Variants in COL19A1 observed in about 807,000 individuals in gnomAD.
COL19A1 encodes collagen type XIX alpha 1 chain, also known as collagen alpha-1(XIX) chain.
Under a neutral mutation model 190.2 loss-of-function variants are expected in COL19A1, and 159 were observed. That is an observed-to-expected ratio of 0.84 (90% CI 0.73 to 0.95). The LOEUF (loss-of-function observed/expected upper bound fraction) is 0.95. Among genes scored for constraint, COL19A1 ranks in the 40% least tolerant of loss-of-function variants. The probability of loss-of-function intolerance (pLI) is 0.00; values close to 1 mark genes in which losing one functional copy is unlikely to be tolerated. For missense variants in COL19A1, 1,418 were observed against 1,431.9 expected (o/e 0.99, Z 0.16); for synonymous variants, 509 against 458.9 (o/e 1.11, Z -1.39).
chr6:69,930,808 A>C (rs1562009278), intron 6 of COL19A1, among the ~76,000 whole-genome samples: 1 of 152,188 alleles, frequency 6.6e-6, no homozygotes, highest in African/African-American at 2.4e-5. Context: ...CAAAAAACAA[A>C]AAACAAACAA....
At chr6:69,891,808 G>A (rs985247284) in intron 2 of COL19A1, among the ~76,000 whole-genome samples, 1 of 152,200 alleles carries the variant, frequency 6.6e-6, no homozygotes, top group Non-Finnish European at 1.5e-5. Context: ...GAAGCTAGGG[G>A]TTGGCTTAAT....
rs1240182869 is a variant in COL19A1 at position 70,210,897 on chromosome 6, A to T, written c.*3623A>T. 1.3e-5 allele frequency among the ~76,000 whole-genome samples: 2 copies of T among 151,918 alleles called. No individual in the cohort carries two copies. The highest frequency in any genetic ancestry group is 2.4e-5 in the African/African-American group (1 of 41,352). On this transcript the variant is annotated 3_prime_UTR_variant, in exon 51 of 51. Transcript: ENST00000620364. ...ACCCTTTGGTTTGTTGACTGTTTTG[A>T]TTTTATTTCTTTGGTGGATATATAT...
In COL19A1 at chr6:70,168,086, T is replaced by G. The variant is rs1340701557; in HGVS notation, c.2496+11T>G. 6.3e-7 allele frequency: 1 copy of G among 1,583,528 alleles called. No individual in the cohort carries two copies. The highest frequency in any genetic ancestry group is 8.6e-7 in the Non-Finnish European group (1 of 1,159,250). The stretch of plus-strand genomic sequence containing the variant: ...TTATATAAAATTAAGGTATTTATAT[T>G]TGTAATTATTTAAAATCCAGTTATA... On this transcript the variant is annotated intron_variant, in intron 38 of 50. Transcript: ENST00000620364.
chr6:70,065,139 A>T (rs574995639), intron 14 of COL19A1, among the ~76,000 whole-genome samples: 5 of 152,062 alleles, frequency 3.3e-5, no homozygotes, highest in African/African-American at 9.7e-5. Flanking sequence ...AAAAAGAGCC[A>T]GCATTGCCAA....
chr6:70,158,323 C>A (rs1787567820), intron 34 of COL19A1, among the ~76,000 whole-genome samples: 1 of 151,978 alleles, frequency 6.6e-6, no homozygotes, highest in South Asian at 2.1e-4. Flanking sequence ...AAGTGCATTT[C>A]CAACTGGCCA....
At chr6:69,880,626 T>A (rs928042287) in intron 2 of COL19A1, among the ~76,000 whole-genome samples, 1 of 152,236 alleles carries the variant, frequency 6.6e-6, no homozygotes, top group Non-Finnish European at 1.5e-5. Context: ...CAGAGTGTTA[T>A]GTAAGTCTTT....
chr6:69,896,308 C>T (rs1402948700), intron 2 of COL19A1, among the ~76,000 whole-genome samples: 1 of 151,698 alleles, frequency 6.6e-6, no homozygotes, highest in Non-Finnish European at 1.5e-5. Flanking sequence ...GAGGCCGAGG[C>T]GGGTGGATCA....
At chr6:69,960,436 C>A (rs1582530036) in intron 10 of COL19A1, among the ~76,000 whole-genome samples, 1 of 152,244 alleles carries the variant, frequency 6.6e-6, no homozygotes, top group South Asian at 2.1e-4. Flanking sequence ...TAGAGCTAAA[C>A]ATAATAGTTA....
At chr6:69,886,881 A>G (rs1198907648) in intron 2 of COL19A1, among the ~76,000 whole-genome samples, 1 of 152,210 alleles carries the variant, frequency 6.6e-6, no homozygotes, top group Non-Finnish European at 1.5e-5. Flanking sequence ...TGTGTAATGA[A>G]TCCATAATAT....
Position 70,151,425 on chromosome 6 carries a change from G to A in COL19A1, c.2066G>A (p.Gly689Asp). 1.2e-6 allele frequency: 2 copies of A among 1,612,722 alleles called. No individual in the cohort carries two copies. Among genetic ancestry groups the A allele is most frequent in the Non-Finnish European group, 1.7e-6 (2 of 1,179,088 alleles). ...GCACTTCCTCTCTTGGGAGACATCG[G>A]TGCTTTGCTCAAGGTACTCTATTGC... ...PIALPLLGDI[G>D]ALLKNFCGNC... The change falls in exon 31 of 51, where the codon GGT becomes GAT. Residue 689 changes from glycine to aspartate, a missense_variant. Transcript: ENST00000620364.
intron 14 of COL19A1, chr6:70,059,713 C>T (rs373641947): frequency 1.5e-5 from 7 of 457,878 alleles, no homozygotes; most frequent in Admixed American, 5.4e-5. Context: ...TTGTGTTAAA[C>T]GGAAAATGAA....
chr6:70,105,125 G>A (rs1783871456), intron 16 of COL19A1, among the ~76,000 whole-genome samples: 1 of 152,018 alleles, frequency 6.6e-6, no homozygotes, highest in African/African-American at 2.4e-5. Flanking sequence ...TGAAAAAAAT[G>A]GTTTATTAAC....
chr6:70,189,510 C>A (rs1766725887), intron 47 of COL19A1, among the ~76,000 whole-genome samples: 1 of 152,118 alleles, frequency 6.6e-6, no homozygotes, highest in African/African-American at 2.4e-5. Flanking sequence ...CACACATATA[C>A]CCCTGGATAA....
At chr6:69,922,523 C>T (rs1015763746) in intron 4 of COL19A1, among the ~76,000 whole-genome samples, 2 of 141,664 alleles carry the variant, frequency 1.4e-5, no homozygotes, top group African/African-American at 5.3e-5. Flanking sequence ...CTCTGTCACC[C>T]AGGCTGGAAT....
At chr6:69,925,995 A>G (rs1475354751) in intron 4 of COL19A1, among the ~76,000 whole-genome samples, 1 of 152,162 alleles carries the variant, frequency 6.6e-6, no homozygotes, top group African/African-American at 2.4e-5. Context: ...GGCTGAGACG[A>G]TGGGGTTTTC....
Position 70,055,301 on chromosome 6 carries a change from A to G in COL19A1, c.1171-13122A>G, listed in dbSNP as rs147488908. 3.7e-3 allele frequency among the ~76,000 whole-genome samples: 562 copies of G among 152,162 alleles called. 11 individuals are homozygous for G. Among genetic ancestry groups the G allele is most frequent in the African/African-American group, 0.013 (532 of 41,544 alleles). Reference sequence around the variant, plus strand: ...ATGGATATAATCTTTATGGAGGGCAATTTGATACTGTCTGTCAAAGTTTCA... The same window carrying G: ...ATGGATATAATCTTTATGGAGGGCAGTTTGATACTGTCTGTCAAAGTTTCA... On this transcript the variant is annotated intron_variant, in intron 14 of 50. Coordinates refer to ENST00000620364, the MANE Select transcript of COL19A1 (RefSeq NM_001858.6).
chr6:69,929,683 G>C lies in COL19A1; in HGVS notation c.649G>C (p.Asp217His), dbSNP rs1475072105. The C allele has an allele frequency of 6.2e-7, 1 of 1,612,962 alleles. No individual in the cohort carries two copies. The highest frequency in any genetic ancestry group is 8.5e-7 in the Non-Finnish European group (1 of 1,179,190). The change falls in exon 6 of 51, where the codon GAT becomes CAT. Residue 217 changes from aspartate (D) to histidine (H), a missense_variant. Asp to His is a moderately conservative substitution (Grantham distance 81, BLOSUM62 -1). Transcript: ENST00000620364. Reference protein sequence around the residue: ...GRTVIATRASDGKPVDIELHQ... With the variant: ...GRTVIATRASHGKPVDIELHQ... ...GACAGTTATTGCTACGCGAGCTTCA[G>C]ATGGCAAGCCTGTGGATGTAAGTTG... is the stretch of plus-strand genomic sequence containing the variant.
chr6:70,001,288 G>C (rs921029163), intron 11 of COL19A1, among the ~76,000 whole-genome samples: 9 of 152,154 alleles, frequency 5.9e-5, no homozygotes, highest in African/African-American at 1.9e-4. Context: ...AGTATAGTTT[G>C]AAGTCAGGTA....
intron 2 of COL19A1, among the ~76,000 whole-genome samples, chr6:69,896,263 C>T (rs577639624): frequency 1.3e-5 from 2 of 152,106 alleles, no homozygotes; most frequent in African/African-American, 4.8e-5. Context: ...ACAGGCCGGG[C>T]GCGGTGGCTC....
Sources: gnomAD v4.1 joint callset for allele counts (sites outside exome capture counted in the v4.1 genomes callset) on GRCh38, gnomAD v4.1.1 for gene constraint, MANE v1.5 for transcripts, NCBI Gene and HGNC (gene_info 2026-07-23, HGNC 2026-07-21) for gene names.